Variants in CNTLN observed in about 807,000 individuals in gnomAD.
The protein encoded by CNTLN is centlein, also known as centlein, centrosomal protein.
CNTLN carries 212 observed loss-of-function variants against 180.0 expected under a neutral mutation model. The ratio of observed to expected loss-of-function variants is 1.18; its 90% CI spans 1.05 to 1.32. The LOEUF is 1.32. Ranked by LOEUF, CNTLN falls within the 40% of genes most tolerant of loss-of-function variation. The pLI, the probability that CNTLN is intolerant of heterozygous loss-of-function variation, is 0.00. For synonymous variants in CNTLN, 722 were observed against 563.1 expected, an observed-to-expected ratio of 1.28 and a Z score of -3.99; for missense variants, 2,095 against 1,610.9, an observed-to-expected ratio of 1.30 and a Z score of -5.14.
At chr9:17,211,728 T>C (rs1331758623) in intron 2 of CNTLN, among the ~76,000 whole-genome samples, 8 of 152,060 alleles carry the variant, frequency 5.3e-5, no homozygotes, top group Non-Finnish European at 1.0e-4. Flanking sequence ...TCTTTTATTT[T>C]TTTGAGCAGT....
At chr9:17,205,966 G>A (rs1822891191) in intron 2 of CNTLN, among the ~76,000 whole-genome samples, 1 of 152,080 alleles carries the variant, frequency 6.6e-6, no homozygotes, top group African/African-American at 2.4e-5. Flanking sequence ...AATGTATGAT[G>A]GTATAATTAA....
chr9:17,308,309 C>T lies in CNTLN; in HGVS notation c.1147-749C>T, dbSNP rs1818875888. Among the ~76,000 whole-genome samples, 3 of 152,100 alleles carry T rather than the reference C, an allele frequency of 2.0e-5. No homozygotes were observed. In the South Asian group the frequency reaches 6.2e-4, roughly 32 times the overall value. ...TTAATAAGTCTTCAAAATATTGCTT[C>T]TATTTTTTCACAGTTTAAGGTTTTC... On this transcript the variant is annotated intron_variant, in intron 7 of 25. Coordinates refer to ENST00000380647, the MANE Select transcript of CNTLN (RefSeq NM_017738.4).
At chr9:17,354,140 C>A (rs894984500) in intron 12 of CNTLN, among the ~76,000 whole-genome samples, 3 of 152,206 alleles carry the variant, frequency 2.0e-5, no homozygotes, top group South Asian at 4.1e-4. Context: ...GCGCTGCGCT[C>A]AATTTCTCAC....
At chr9:17,257,618 C>T (rs1007131844) in intron 5 of CNTLN, among the ~76,000 whole-genome samples, 3 of 151,172 alleles carry the variant, frequency 2.0e-5, no homozygotes, top group Non-Finnish European at 4.4e-5. Context: ...TCCTATTTCT[C>T]CGCATCCTCT....
chr9:17,200,502 C>G (rs1257362796), intron 2 of CNTLN, among the ~76,000 whole-genome samples: 2 of 152,058 alleles, frequency 1.3e-5, no homozygotes, highest in Admixed American at 6.5e-5. Context: ...TTTGACCTCT[C>G]TTATTTCGTT....
chr9:17,224,477 T>G (rs1246891491), intron 2 of CNTLN, among the ~76,000 whole-genome samples: 2 of 152,056 alleles, frequency 1.3e-5, no homozygotes, highest in African/African-American at 2.4e-5. Context: ...AGTTATTACT[T>G]CTGGAATGTT....
chr9:17,171,425 T>G (rs577275220), intron 2 of CNTLN, among the ~76,000 whole-genome samples: 2 of 152,320 alleles, frequency 1.3e-5, no homozygotes, highest in African/African-American at 4.8e-5. Context: ...TTTTGTCAGC[T>G]GAAGTCAGTA....
At chr9:17,297,022 A>C (rs1029443648) in intron 6 of CNTLN, among the ~76,000 whole-genome samples, 3 of 152,224 alleles carry the variant, frequency 2.0e-5, no homozygotes, top group Admixed American at 6.5e-5. Flanking sequence ...ACAATCTTCA[A>C]AATATTATGT....
chr9:17,418,482 C>A (rs1828442367), intron 18 of CNTLN, among the ~76,000 whole-genome samples: 2 of 151,966 alleles, frequency 1.3e-5, no homozygotes, highest in Non-Finnish European at 1.5e-5. Flanking sequence ...AGATTCTCAT[C>A]TACTGGGAAA....
rs181259223 is a variant in CNTLN, at chr9:17,145,444, C to G, written c.449+2068C>G. Among the ~76,000 whole-genome samples, 833 of 152,222 alleles carry G rather than the reference C, an allele frequency of 5.5e-3. 6 individuals are homozygous for G. Among genetic ancestry groups the G allele is most frequent in the Admixed American group, 8.1e-3 (124 of 15,298 alleles). ...ACCTATGTCTGTTAAAAAGAATATT[C>G]TAAATATCAAGGTCAAATAGATGAT... On this transcript the variant is annotated intron_variant, in intron 2 of 25. Coordinates refer to ENST00000380647, the MANE Select transcript of CNTLN (RefSeq NM_017738.4).
chr9:17,371,213 T>A (rs761838392), intron 13 of CNTLN, among the ~76,000 whole-genome samples: 9 of 152,118 alleles, frequency 5.9e-5, no homozygotes, highest in Non-Finnish European at 1.0e-4. Context: ...AGAGCCACTC[T>A]CTGTTGTATA....
intron 18 of CNTLN, among the ~76,000 whole-genome samples, chr9:17,440,170 A>G (rs1451881726): frequency 6.6e-6 from 1 of 152,164 alleles, no homozygotes; most frequent in African/African-American, 2.4e-5. Flanking sequence ...TGCTATGGGA[A>G]TGTAAAATGG....
intron 2 of CNTLN, among the ~76,000 whole-genome samples, chr9:17,200,782 G>C (rs573058870): frequency 1.1e-4 from 16 of 151,806 alleles, no homozygotes; most frequent in Non-Finnish European, 2.1e-4. Flanking sequence ...CATCTGCAGA[G>C]ACAATTTGAC....
chr9:17,321,684 G>A lies in CNTLN; in HGVS notation c.1342-8948G>A, dbSNP rs559740434. Among the ~76,000 whole-genome samples the A allele has an allele frequency of 3.3e-5, 5 of 152,294 alleles. No individual in the cohort carries two copies. The South Asian group carries it at 1.0e-3, about 32-fold the overall frequency. On this transcript the variant is annotated intron_variant, in intron 8 of 25. Transcript: ENST00000380647. ...AAAGTACAGTATTCTGGTTTTTCAG[G>A]TGGTAGGGAGAAGATCTGATTGTAG...
chr9:17,335,873 C>T (rs1820982143), intron 10 of CNTLN, among the ~76,000 whole-genome samples: 1 of 145,532 alleles, frequency 6.9e-6, no homozygotes, highest in Admixed American at 7.2e-5. Context: ...ACCCAGGAGG[C>T]AGAGGTTGCA....
chr9:17,254,906 C>T (rs956052978), intron 5 of CNTLN, among the ~76,000 whole-genome samples: 1 of 151,728 alleles, frequency 6.6e-6, no homozygotes, highest in African/African-American at 2.4e-5. Flanking sequence ...ACATTGTCTT[C>T]CAATCCAGTG....
intron 13 of CNTLN, among the ~76,000 whole-genome samples, chr9:17,379,984 G>C (rs1292123070): frequency 1.3e-5 from 2 of 152,180 alleles, no homozygotes; most frequent in East Asian, 3.9e-4. Flanking sequence ...CAAGAGCTTA[G>C]CTGAACTGGA....
chr9:17,471,881 G>C (rs1832057994), intron 23 of CNTLN, among the ~76,000 whole-genome samples: 1 of 152,000 alleles, frequency 6.6e-6, no homozygotes, highest in Non-Finnish European at 1.5e-5. Flanking sequence ...TTAAAAAAGA[G>C]GAAAGTAATG....
intron 18 of CNTLN, among the ~76,000 whole-genome samples, chr9:17,439,191 G>T (rs983846995): frequency 1.6e-4 from 24 of 152,062 alleles, no homozygotes; most frequent in African/African-American, 5.3e-4. Flanking sequence ...AATAATTCAT[G>T]TATTGATAAT....
Sources: allele counts gnomAD v4.1 joint callset (sites outside exome capture counted in the v4.1 genomes callset), GRCh38; gene constraint gnomAD v4.1.1; transcripts MANE v1.5; gene names NCBI Gene and HGNC (gene_info 2026-07-23, HGNC 2026-07-21).